The following AK4 variants were observed in gnomAD, a reference collection of about 807,000 sequenced individuals.
The protein encoded by AK4 is adenylate kinase 4, also known as adenylate kinase 4, mitochondrial.
Under a neutral mutation model 24.6 loss-of-function variants are expected in AK4, and 13 were observed. The observed-to-expected ratio is 0.53, with a 90% CI of 0.34 to 0.84. The LOEUF (loss-of-function observed/expected upper bound fraction) is 0.84, where lower values mean the gene tolerates loss of function less well. Among genes scored for constraint, AK4 ranks in the 40% least tolerant of loss-of-function variants. The pLI is 0.01. For missense variants in AK4, 192 were observed against 288.2 expected (o/e 0.67, Z 2.42); for synonymous variants, 88 against 107.0 (o/e 0.82, Z 1.10).
chr1:65,152,340 CTCTCTCTCTCTCTCTCTCTCTATA>C (rs1373824739), intron 1 of AK4, among the ~76,000 whole-genome samples: 24 of 42,022 alleles, frequency 5.7e-4, no homozygotes, highest in African/African-American at 2.3e-3. Flanking sequence ...CTCTCTCTCT[CTCTCTCTCTCTCTCTCTCTCTATA>C]TATATATATA....
At chr1:65,176,179 T>A (rs1402985257) in intron 1 of AK4, among the ~76,000 whole-genome samples, 1 of 152,188 alleles carries the variant, frequency 6.6e-6, no homozygotes, top group East Asian at 1.9e-4. Flanking sequence ...TCCTTTGTGC[T>A]TAGAGATTGG....
At chr1:65,191,029 A>T (rs1234619035) in intron 2 of AK4, among the ~76,000 whole-genome samples, 200 bp downstream of exon 2, 2 of 152,238 alleles carry the variant, frequency 1.3e-5, no homozygotes, top group East Asian at 3.8e-4. Flanking sequence ...CACCATCATG[A>T]GAACCACTGA....
At chr1:65,204,006 C>G (rs145884627) in intron 2 of AK4, among the ~76,000 whole-genome samples, 123 of 152,072 alleles carry the variant, frequency 8.1e-4, no homozygotes, top group East Asian at 5.8e-3. Context: ...AATACATGAT[C>G]ACTATAAAAC....
intron 1 of AK4, among the ~76,000 whole-genome samples, chr1:65,156,318 A>T (rs1033872400): frequency 6.6e-6 from 1 of 151,932 alleles, no homozygotes; most frequent in Non-Finnish European, 1.5e-5. Flanking sequence ...ATTTTGTCAT[A>T]TATCTATAGC....
rs1652602069 is a variant in AK4 at position 65,230,301 on chromosome 1, A to T, written c.*4124A>T. Reference sequence around the variant, plus strand: ...ACTGTGGTTTTTCCTGCTATTTAAGATGTTGAGACCGGATAACTTTAGAAA... The same window carrying T: ...ACTGTGGTTTTTCCTGCTATTTAAGTTGTTGAGACCGGATAACTTTAGAAA... On this transcript the variant is annotated 3_prime_UTR_variant, in exon 5 of 5. Transcript: ENST00000327299. The T allele has an allele frequency of 1.3e-5, 2 of 152,148 alleles. No homozygotes were observed. The allele number at this position is 152,148 out of a possible 1,614,324, so 9.4% of individuals were successfully genotyped here. A position where few individuals can be genotyped will look rare whatever the true frequency, so the allele number is the denominator to read the frequency against.
Position 65,231,568 on chromosome 1 carries a change from A to G in AK4, c.*5391A>G, listed in dbSNP as rs1319378009. The G allele has an allele frequency of 6.6e-6, 1 of 152,212 alleles. No individual in the cohort carries two copies. The allele number at this position is 152,212 out of a possible 1,614,324, so 9.4% of individuals were successfully genotyped here. A position where few individuals can be genotyped will look rare whatever the true frequency, so the allele number is the denominator to read the frequency against. On this transcript the variant is annotated 3_prime_UTR_variant, in exon 5 of 5. Coordinates refer to ENST00000327299, the MANE Select transcript of AK4 (RefSeq NM_013410.4). ...TTGATATGTGTCTAATTCATTTTAT[A>G]AAAATTATTCTTGTCTTCATTTTAA...
At chr1:65,206,719 C>T (rs181222354) in intron 2 of AK4, among the ~76,000 whole-genome samples, 3 of 152,346 alleles carry the variant, frequency 2.0e-5, no homozygotes, top group Admixed American at 1.3e-4. Context: ...TTAGAGATTG[C>T]AGTGAGCTAT....
intron 2 of AK4, among the ~76,000 whole-genome samples, chr1:65,214,856 C>T (rs1194788577): frequency 1.3e-5 from 2 of 152,128 alleles, no homozygotes; most frequent in Non-Finnish European, 2.9e-5. Flanking sequence ...GAAAGATTTG[C>T]ATGTGTTTGG....
At chr1:65,159,695 C>T (rs562258128) in intron 1 of AK4, among the ~76,000 whole-genome samples, 7 of 147,228 alleles carry the variant, frequency 4.8e-5, no homozygotes, top group South Asian at 2.2e-4. Context: ...GTTGGCCGGG[C>T]GTGGTGGCTC....
rs1464429677 is a variant in AK4, at chr1:65,228,696, T to C, written c.*2519T>C. On this transcript the variant is annotated 3_prime_UTR_variant, in exon 5 of 5. Transcript: ENST00000327299. The stretch of plus-strand genomic sequence containing the variant: ...TGAAAATGTTTTGACAAAAGTAAAA[T>C]TAAAGGGACATCTTTTCTTGTTTTG... 1.3e-5 allele frequency: 2 copies of C among 148,522 alleles called. No homozygotes were observed. The highest frequency in any genetic ancestry group is 3.0e-5 in the Non-Finnish European group (2 of 67,752). The allele number at this position is 148,522 out of a possible 1,614,324, so 9.2% of individuals were successfully genotyped here. A position where few individuals can be genotyped will look rare whatever the true frequency, so the allele number is the denominator to read the frequency against.
chr1:65,193,740 G>A (rs1036229320), intron 2 of AK4, among the ~76,000 whole-genome samples: 35 of 152,214 alleles, frequency 2.3e-4, no homozygotes, highest in Admixed American at 6.5e-5. Context: ...CAAGGGTTTT[G>A]CATCCTGCAA....
At chr1:65,170,366 T>TCACACA (rs543805884) in intron 1 of AK4, among the ~76,000 whole-genome samples, 13 of 151,208 alleles carry the variant, frequency 8.6e-5, no homozygotes, top group African/African-American at 3.2e-4. Flanking sequence ...AGACTCCGTC[T>TCACACA]CACACACACA....
At position 65,229,402 on chromosome 1, in the gene AK4, T is replaced by C. The variant is rs1188932179; in HGVS notation, c.*3225T>C. 6.6e-6 allele frequency: 1 copy of C among 152,066 alleles called. No individual in the cohort carries two copies. Among genetic ancestry groups the C allele is most frequent in the Non-Finnish European group, 1.5e-5 (1 of 68,060 alleles). The allele number at this position is 152,066 out of a possible 1,614,324, so 9.4% of individuals were successfully genotyped here. A position where few individuals can be genotyped will look rare whatever the true frequency, so the allele number is the denominator to read the frequency against. On this transcript the variant is annotated 3_prime_UTR_variant, in exon 5 of 5. Transcript: ENST00000327299. ...GTAAAAAATTAGCCAGTCATGGTGG[T>C]GTACACTTATGGTCCTAGTTACTCA...
intron 4 of AK4, 53 bp from the exon 5 acceptor site, chr1:65,226,010 A>G (rs1487666878): frequency 3.8e-6 from 6 of 1,570,492 alleles, no homozygotes; most frequent in Non-Finnish European, 5.2e-6. Context: ...TTCTGCACTA[A>G]TACGTGGAAA....
At position 65,227,711 on chromosome 1, in the gene AK4, T is replaced by G. The variant is rs552949929; in HGVS notation, c.*1534T>G. 341 of 149,650 alleles carry G rather than the reference T, an allele frequency of 2.3e-3. No individual in the cohort carries two copies. The highest frequency in any genetic ancestry group is 8.2e-3 in the African/African-American group (328 of 40,148). 9.3% of individuals were successfully genotyped at this position (149,650 alleles called of 1,614,324 possible). A position where few individuals can be genotyped will look rare whatever the true frequency, so the allele number is the denominator to read the frequency against. ...AAAGAAGCCTATTTTAACACTTTAGTGGTGTTGAAACACATTACTTACTTT... is the reference window on the plus strand; with the variant it reads ...AAAGAAGCCTATTTTAACACTTTAGGGGTGTTGAAACACATTACTTACTTT... On this transcript the variant is annotated 3_prime_UTR_variant, in exon 5 of 5. Transcript: ENST00000327299.
chr1:65,185,411 GC>G (rs1651064275), intron 1 of AK4, among the ~76,000 whole-genome samples: 1 of 151,970 alleles, frequency 6.6e-6, no homozygotes, highest in South Asian at 2.1e-4. Context: ...TCCATATCCT[GC>G]CCATCTAGCA....
At chr1:65,196,415 A>G (rs560422973) in intron 2 of AK4, among the ~76,000 whole-genome samples, 66 of 152,228 alleles carry the variant, frequency 4.3e-4, no homozygotes, top group Non-Finnish European at 7.9e-4. Context: ...AAAAAAGTTC[A>G]GCACTACCTT....
intron 2 of AK4, among the ~76,000 whole-genome samples, chr1:65,212,358 G>A (rs895246757): frequency 4.0e-5 from 6 of 150,776 alleles, no homozygotes; most frequent in African/African-American, 1.2e-4. Context: ...ATTCAGTGGC[G>A]CGATCTCAGT....
chr1:65,154,607 T>G (rs1649912718), intron 1 of AK4: 1 of 510,794 alleles, frequency 2.0e-6, no homozygotes, highest in Admixed American at 1.9e-5. Context: ...TGCCAGTGTT[T>G]CCGTCAGTAC....
Sources: gnomAD v4.1 joint callset for allele counts (sites outside exome capture counted in the v4.1 genomes callset) on GRCh38, gnomAD v4.1.1 for gene constraint, MANE v1.5 for transcripts, NCBI Gene and HGNC (gene_info 2026-07-23, HGNC 2026-07-21) for gene names.